Variants in NEBL observed in about 807,000 individuals in gnomAD.
NEBL encodes LIM and SH3 protein 2.
Under a neutral mutation model 140.2 loss-of-function variants are expected in NEBL, and 122 were observed. The ratio of observed to expected loss-of-function variants is 0.87; its 90% confidence interval spans 0.75 to 1.01. The LOEUF (loss-of-function observed/expected upper bound fraction) is 1.01. NEBL is among the 50% of genes least tolerant of loss of function. The probability of loss-of-function intolerance (pLI) is 0.00; values close to 1 mark genes in which losing one functional copy is unlikely to be tolerated. For missense variants in NEBL, 1,365 were observed against 1,231.3 expected (o/e 1.11, Z -1.62); for synonymous variants, 436 against 398.9 (o/e 1.09, Z -1.11).
At position 20,889,848 on chromosome 10, in the gene NEBL, A is replaced by G. The variant is rs727504471; in HGVS notation, c.255T>C (p.Ser85=). The G allele has an allele frequency of 1.4e-5, 22 of 1,600,920 alleles. No homozygotes were observed. The highest frequency in any genetic ancestry group is 1.9e-5 in the Non-Finnish European group (22 of 1,168,130). ...TTGCAAGCTTTTGATACCTTACCTCAGAAATAAAAGCACCGATATTTTTTA... is the reference window on the plus strand; with the variant it reads ...TTGCAAGCTTTTGATACCTTACCTCGGAAATAAAAGCACCGATATTTTTTA... ...NHVKNIGAFI[S]EAKYKGTIKA... The change falls in exon 3 of 28, where the codon TCT becomes TCC. Residue 85 remains serine, a synonymous_variant. Coordinates refer to ENST00000377122, the MANE Select transcript of NEBL (RefSeq NM_006393.3).
intron 4 of NEBL, among the ~76,000 whole-genome samples, chr10:20,927,950 A>G (rs1282436004): frequency 6.6e-6 from 1 of 152,226 alleles, no homozygotes; most frequent in Non-Finnish European, 1.5e-5. Flanking sequence ...CACATATTAT[A>G]TTTAACTTTG....
At chr10:21,086,190 T>G (rs1004317320) in intron 2 of NEBL, among the ~76,000 whole-genome samples, 7 of 152,222 alleles carry the variant, frequency 4.6e-5, no homozygotes, top group African/African-American at 1.7e-4. Context: ...CGTGTTGTTA[T>G]CATTTAGGCC....
intron 3 of NEBL, among the ~76,000 whole-genome samples, chr10:21,212,242 CATATA>C (rs1251181939): frequency 6.6e-6 from 1 of 151,854 alleles, no homozygotes; most frequent in Admixed American, 6.6e-5. Context: ...TATTATGTTA[CATATA>C]ATATACATAT....
chr10:20,814,259 C>T (rs1588668425), intron 22 of NEBL, among the ~76,000 whole-genome samples: 1 of 152,138 alleles, frequency 6.6e-6, no homozygotes, highest in Admixed American at 6.5e-5. Context: ...AATCTATCAA[C>T]TCTAAACAAA....
intron 4 of NEBL, among the ~76,000 whole-genome samples, chr10:20,946,413 T>C (rs1835162526): frequency 6.6e-6 from 1 of 152,182 alleles, no homozygotes; most frequent in African/African-American, 2.4e-5. Flanking sequence ...ATTCCATTTC[T>C]TGAGCCAGGA....
chr10:20,953,338 G>T (rs983753243), intron 4 of NEBL, among the ~76,000 whole-genome samples: 1 of 152,102 alleles, frequency 6.6e-6, no homozygotes, highest in African/African-American at 2.4e-5. Flanking sequence ...TGAGGACACT[G>T]CAAGAAGGCA....
At chr10:21,037,001 C>G (rs968790912) in intron 2 of NEBL, among the ~76,000 whole-genome samples, 1 of 152,156 alleles carries the variant, frequency 6.6e-6, no homozygotes, top group Non-Finnish European at 1.5e-5. Flanking sequence ...CTGTTCCCAC[C>G]TGTGCACTTT....
chr10:21,175,353 C>T (rs1841273999), upstream of NEBL, among the ~76,000 whole-genome samples: 1 of 152,182 alleles, frequency 6.6e-6, no homozygotes, highest in Admixed American at 6.5e-5. Flanking sequence ...CGGCCTGGCT[C>T]AAGGGAAGCT....
At chr10:21,065,745 C>T (rs1046780080) in intron 2 of NEBL, among the ~76,000 whole-genome samples, 4 of 152,164 alleles carry the variant, frequency 2.6e-5, no homozygotes, top group Non-Finnish European at 5.9e-5. Context: ...GCTGAAAAGC[C>T]CCAGGGGCTG....
At chr10:21,188,383 A>C (rs1841512063) in intron 3 of NEBL, among the ~76,000 whole-genome samples, 1 of 152,184 alleles carries the variant, frequency 6.6e-6, no homozygotes, top group Admixed American at 6.5e-5. Context: ...GTACCTCAGC[A>C]TCATTTTCAC....
intron 26 of NEBL, among the ~76,000 whole-genome samples, chr10:20,790,186 T>G (rs1835831439): frequency 6.6e-6 from 1 of 152,112 alleles, no homozygotes; most frequent in South Asian, 2.1e-4. Flanking sequence ...TCTTCATGCC[T>G]TTATTGATTA....
chr10:20,977,591 T>C (rs1836856469), intron 3 of NEBL, among the ~76,000 whole-genome samples: 3 of 152,102 alleles, frequency 2.0e-5, no homozygotes, highest in Admixed American at 2.0e-4. Flanking sequence ...GCTGCCCAGA[T>C]GAAAGGCTAA....
In NEBL at chr10:20,860,612, C is replaced by G. The variant is rs570098742; in HGVS notation, c.685-786G>C. On this transcript the variant is annotated intron_variant, in intron 7 of 27. Coordinates refer to ENST00000377122, the MANE Select transcript of NEBL (RefSeq NM_006393.3). ...ACCTAGCTATTCACATGTCATACCC[C>G]CTTTAACTTACTGTAGCCAGGAAAG... Among the ~76,000 whole-genome samples, 24 of 149,614 alleles carry G rather than the reference C, an allele frequency of 1.6e-4. 1 individual carries two copies. The South Asian group carries it at 4.7e-3, about 29-fold the overall frequency.
intron 2 of NEBL, among the ~76,000 whole-genome samples, chr10:21,135,972 T>C (rs1839338064): frequency 1.3e-5 from 2 of 152,250 alleles, no homozygotes; most frequent in Admixed American, 1.3e-4. Flanking sequence ...AAGCTTTGCC[T>C]GGATTGATTA....
intron 3 of NEBL, among the ~76,000 whole-genome samples, chr10:21,008,533 C>A (rs1318109982): frequency 1.3e-5 from 2 of 151,932 alleles, no homozygotes; most frequent in Non-Finnish European, 2.9e-5. Flanking sequence ...AAATGGCCAA[C>A]AAACATATGA....
At chr10:21,020,831 CA>C (rs1258490539) in intron 2 of NEBL, among the ~76,000 whole-genome samples, 1 of 152,194 alleles carries the variant, frequency 6.6e-6, no homozygotes, top group Non-Finnish European at 1.5e-5. Flanking sequence ...TCTCCCCACT[CA>C]AGGTCCTCAC....
intron 2 of NEBL, among the ~76,000 whole-genome samples, chr10:21,028,098 A>T (rs963569180): frequency 6.6e-6 from 1 of 151,642 alleles, no homozygotes; most frequent in Non-Finnish European, 1.5e-5. Context: ...ATGATAGCAC[A>T]CACCTATAAT....
At chr10:20,891,228 T>C (rs141718287) in intron 2 of NEBL, among the ~76,000 whole-genome samples, 79 of 152,340 alleles carry the variant, frequency 5.2e-4, no homozygotes, top group African/African-American at 1.8e-3. Context: ...GCCTACCACA[T>C]TAAACATTTG....
intron 2 of NEBL, among the ~76,000 whole-genome samples, chr10:21,044,517 T>C (rs948624332): frequency 1.4e-5 from 2 of 144,408 alleles, no homozygotes; most frequent in African/African-American, 2.5e-5. Context: ...TCCTGAGAAA[T>C]GCTGATTCAT....
Sources: gnomAD v4.1 joint callset for allele counts (sites outside exome capture counted in the v4.1 genomes callset) on GRCh38, gnomAD v4.1.1 for gene constraint, MANE v1.5 for transcripts, NCBI Gene and HGNC (gene_info 2026-07-23, HGNC 2026-07-21) for gene names.